The following LINC00305 variants were observed in gnomAD, a reference collection of about 807,000 sequenced individuals.
The protein encoded by LINC00305 is long intergenic non-protein coding RNA 305.
At position 64,122,569 on chromosome 18, in the gene LINC00305, A is replaced by G. The variant is rs2051366793; in HGVS notation, n.315-23929T>C. The stretch of plus-strand genomic sequence containing the variant: ...GTGTCTATTTTTATACCAGTACTAT[A>G]CTGTTTTGGTTACTATTGACTTGTA... On this transcript the variant is annotated intron_variant and non_coding_transcript_variant, in intron 1 of 3. Coordinates refer to ENST00000666468, the Ensembl canonical transcript of LINC00305. Among the ~76,000 whole-genome samples, 4 of 152,000 alleles carry G rather than the reference A, an allele frequency of 2.6e-5. No individual in the cohort carries two copies. In the South Asian group the frequency reaches 8.3e-4, roughly 32 times the overall value.
At chr18:64,094,820 C>T (rs2051238527) in intron 3 of LINC00305, among the ~76,000 whole-genome samples, 1 of 148,338 alleles carries the variant, frequency 6.7e-6, no homozygotes, top group African/African-American at 2.6e-5. Flanking sequence ...CTGCACTGTA[C>T]TCCAGCCTAA....
chr18:64,092,778 C>T (rs913493765), intron 3 of LINC00305, among the ~76,000 whole-genome samples: 6 of 152,086 alleles, frequency 3.9e-5, no homozygotes, highest in Admixed American at 3.9e-4. Context: ...GACTTGTTCT[C>T]CCTATTTAAA....
In LINC00305 at chr18:64,090,527, T is replaced by C. The variant is rs117737253; in HGVS notation, n.540+7307A>G. 5.0e-3 allele frequency among the ~76,000 whole-genome samples: 760 copies of C among 152,336 alleles called. 6 individuals are homozygous for C. Among genetic ancestry groups the C allele is most frequent in the Admixed American group, 0.016 (242 of 15,304 alleles). ...AGGAAATGTTACCCGAAAGGGTTTA[T>C]GTGAGAAAAATACCTGCTTTTTTCA... On this transcript the variant is annotated intron_variant and non_coding_transcript_variant, in intron 3 of 3. Transcript: ENST00000666468.
chr18:64,142,384 T>C (rs1396640988), intron 1 of LINC00305, among the ~76,000 whole-genome samples: 1 of 152,084 alleles, frequency 6.6e-6, no homozygotes, highest in Non-Finnish European at 1.5e-5. Context: ...GGATCCAGGG[T>C]AAGTGAGGAA....
chr18:64,135,529 C>T (rs2051429087), intron 1 of LINC00305, among the ~76,000 whole-genome samples: 1 of 152,110 alleles, frequency 6.6e-6, no homozygotes, highest in African/African-American at 2.4e-5. Context: ...CAGCTCAGGC[C>T]CTTCAATGTT....
At chr18:64,095,449 CAA>C (rs1209304244) in intron 3 of LINC00305, among the ~76,000 whole-genome samples, 17 of 133,610 alleles carry the variant, frequency 1.3e-4, no homozygotes, top group Middle Eastern at 6.8e-3. Flanking sequence ...AAATATAAGA[CAA>C]GAGGAGATTT....
intron 1 of LINC00305, among the ~76,000 whole-genome samples, chr18:64,121,530 T>C (rs1798801908): frequency 6.6e-6 from 1 of 152,156 alleles, no homozygotes; most frequent in Non-Finnish European, 1.5e-5. Context: ...GATTTCATTC[T>C]TTTTATGGCT....
rs113538968 is a variant in LINC00305, at chr18:64,085,166, A to G, written n.541-4764T>C. On this transcript the variant is annotated intron_variant and non_coding_transcript_variant, in intron 3 of 3. Transcript: ENST00000666468. ...TAAACTGACTCCTTAAGCTTCCCCAATCAAGAAGGCCCCTTTCATCCCTTT... is the reference window on the plus strand; with the variant it reads ...TAAACTGACTCCTTAAGCTTCCCCAGTCAAGAAGGCCCCTTTCATCCCTTT... Among the ~76,000 whole-genome samples, 841 of 152,300 alleles carry G rather than the reference A, an allele frequency of 5.5e-3. 5 individuals carry two copies. The highest frequency in any genetic ancestry group is 0.018 in the African/African-American group (740 of 41,556).
intron 1 of LINC00305, among the ~76,000 whole-genome samples, chr18:64,135,012 A>G (rs992660318): frequency 5.3e-5 from 8 of 152,176 alleles, no homozygotes; most frequent in Non-Finnish European, 8.8e-5. Flanking sequence ...TTATTGTCTC[A>G]TGGTTCTGGA....
At chr18:64,136,764 T>C (rs1010849178) in intron 1 of LINC00305, among the ~76,000 whole-genome samples, 1 of 152,040 alleles carries the variant, frequency 6.6e-6, no homozygotes, top group Non-Finnish European at 1.5e-5. Flanking sequence ...GAGCCTGGCT[T>C]GTGTGTGGCG....
At chr18:64,107,440 G>A (rs1045519051) in intron 1 of LINC00305, among the ~76,000 whole-genome samples, 1 of 152,170 alleles carries the variant, frequency 6.6e-6, no homozygotes, top group Non-Finnish European at 1.5e-5. Context: ...AAAATTGAAG[G>A]GAACTCTCTG....
At chr18:64,083,227 A>G (rs568360316) in intron 3 of LINC00305, among the ~76,000 whole-genome samples, 1 of 152,144 alleles carries the variant, frequency 6.6e-6, no homozygotes, top group Non-Finnish European at 1.5e-5. Context: ...CTCACCCCAG[A>G]CAGGAGCTAT....
At chr18:64,092,298 C>T (rs1277180252) in intron 3 of LINC00305, among the ~76,000 whole-genome samples, 2 of 152,236 alleles carry the variant, frequency 1.3e-5, no homozygotes, top group African/African-American at 4.8e-5. Flanking sequence ...CATGGCGGCT[C>T]ACGCCTGTAA....
At chr18:64,112,075 G>T (rs767903939) in intron 1 of LINC00305, among the ~76,000 whole-genome samples, 1 of 151,910 alleles carries the variant, frequency 6.6e-6, no homozygotes, top group Non-Finnish European at 1.5e-5. Flanking sequence ...CTTATTTCTC[G>T]GATCAGCATG....
At chr18:64,130,579 A>G (rs2051405249) in intron 1 of LINC00305, among the ~76,000 whole-genome samples, 3 of 152,176 alleles carry the variant, frequency 2.0e-5, no homozygotes, top group Non-Finnish European at 4.4e-5. Context: ...AAAGATCGAT[A>G]AGTAAACTTT....
chr18:64,106,548 C>G (rs2051291662), intron 1 of LINC00305, among the ~76,000 whole-genome samples: 1 of 152,144 alleles, frequency 6.6e-6, no homozygotes, highest in Non-Finnish European at 1.5e-5. Context: ...TCTGGAGTTT[C>G]TGGGTTCTAT....
intron 1 of LINC00305, among the ~76,000 whole-genome samples, chr18:64,136,199 G>A (rs998246883): frequency 6.6e-5 from 10 of 152,192 alleles, no homozygotes; most frequent in Non-Finnish European, 5.9e-5. Flanking sequence ...CTTACTGATT[G>A]TGTGTGTATG....
chr18:64,092,858 TG>T (rs2051230419), intron 3 of LINC00305, among the ~76,000 whole-genome samples: 1 of 152,190 alleles, frequency 6.6e-6, no homozygotes, highest in African/African-American at 2.4e-5. Context: ...AGGATGTACT[TG>T]GGGTGATTTT....
chr18:64,137,133 T>A (rs1464054249), intron 1 of LINC00305, among the ~76,000 whole-genome samples: 7 of 152,124 alleles, frequency 4.6e-5, no homozygotes, highest in African/African-American at 1.4e-4. Context: ...GATAGGGGAA[T>A]CTGGACACAC....
Sources: allele counts gnomAD v4.1 joint callset (sites outside exome capture counted in the v4.1 genomes callset), GRCh38; gene constraint gnomAD v4.1.1; transcripts MANE v1.5; gene names NCBI Gene and HGNC (gene_info 2026-07-23, HGNC 2026-07-21).